Variants in NR4A3 observed in about 807,000 individuals in gnomAD.
The protein encoded by NR4A3 is chondrosarcoma, extraskeletal myxoid, fused to EWS.
Under a neutral mutation model 55.6 loss-of-function variants are expected in NR4A3, and 13 were observed. The observed-to-expected ratio is 0.23, with a 90% CI of 0.15 to 0.37. NR4A3 has a LOEUF of 0.37. NR4A3 is among the 10% of genes least tolerant of loss of function. The pLI is 1.00. For missense variants in NR4A3, 646 were observed against 822.8 expected, an observed-to-expected ratio of 0.79 and a Z score of 2.63; for synonymous variants, 342 against 357.9, an observed-to-expected ratio of 0.96 and a Z score of 0.50.
At chr9:99,837,640 T>G (rs1827582672) in intron 5 of NR4A3, among the ~76,000 whole-genome samples, 1 of 152,192 alleles carries the variant, frequency 6.6e-6, no homozygotes, top group African/African-American at 2.4e-5. Flanking sequence ...AAGTCTCTAC[T>G]TCATTTATAG....
chr9:99,849,260 G>A (rs1204627381), intron 7 of NR4A3, among the ~76,000 whole-genome samples: 1 of 152,110 alleles, frequency 6.6e-6, no homozygotes, highest in East Asian at 1.9e-4. Context: ...ACAAGCAACT[G>A]GTATGGCTGC....
intron 7 of NR4A3, among the ~76,000 whole-genome samples, chr9:99,853,582 G>T (rs1267857044): frequency 4.1e-5 from 2 of 48,426 alleles, no homozygotes; most frequent in African/African-American, 1.6e-4. Context: ...TGCGGTGTTT[G>T]GTTTTTTGTT....
At chr9:99,824,194 G>A (rs1321355924) in intron 1 of NR4A3, among the ~76,000 whole-genome samples, 2 of 152,192 alleles carry the variant, frequency 1.3e-5, no homozygotes, top group Non-Finnish European at 2.9e-5. Flanking sequence ...CGGGGCGCTG[G>A]GCTGGGCTGG....
At chr9:99,851,970 G>A (rs577453698) in intron 7 of NR4A3, among the ~76,000 whole-genome samples, 5 of 152,176 alleles carry the variant, frequency 3.3e-5, no homozygotes, top group African/African-American at 4.8e-5. Flanking sequence ...AGCCAGGCAC[G>A]CATTCTGTTG....
intron 7 of NR4A3, among the ~76,000 whole-genome samples, chr9:99,850,555 G>A (rs929836635): frequency 2.0e-5 from 3 of 152,170 alleles, no homozygotes; most frequent in Admixed American, 2.0e-4. Flanking sequence ...TGCTCAGCCC[G>A]CTGCCCATTT....
rs1336702590 is a variant in NR4A3, at chr9:99,865,187, A to G, written c.*1320A>G. ...ACATTTGTATGCACGTTATATTGTA[A>G]TAGCTTTGCCTGTATTTATTGCAAG... On this transcript the variant is annotated 3_prime_UTR_variant, in exon 8 of 8. Coordinates refer to ENST00000395097, the MANE Select transcript of NR4A3 (RefSeq NM_006981.4). This position sits in a 1 kb window ranked among gnomAD's most constrained non-coding sequence, Gnocchi z 4.3. 1 of 185,356 alleles carries G rather than the reference A, an allele frequency of 5.4e-6. No homozygotes were observed. Among genetic ancestry groups the G allele is most frequent in the Non-Finnish European group, 1.1e-5 (1 of 87,276 alleles). The allele number at this position is 185,356 out of a possible 1,614,324, so 11.5% of individuals were successfully genotyped here.
intron 7 of NR4A3, among the ~76,000 whole-genome samples, chr9:99,856,834 A>C (rs1251624026): frequency 6.6e-6 from 1 of 152,206 alleles, no homozygotes; most frequent in Non-Finnish European, 1.5e-5. Context: ...CAAGTTCCCC[A>C]GTGATGCTGA....
chr9:99,822,288 A>T lies in NR4A3; in HGVS notation c.-296A>T, dbSNP rs1827194267. ...CCACCAGCCGCTCACCGCCTCCGGG[A>T]GCCGCTGGGCTTGTACACCGCAGCC... is the stretch of plus-strand genomic sequence containing the variant. On this transcript the variant is annotated 5_prime_UTR_variant, in exon 1 of 8. Transcript: ENST00000395097. This position sits in a 1 kb window ranked among gnomAD's most constrained non-coding sequence, Gnocchi z 4.9. 6.6e-6 allele frequency: 1 copy of T among 152,196 alleles called. No individual in the cohort carries two copies. The highest frequency in any genetic ancestry group is 2.1e-4 in the South Asian group (1 of 4,824). The allele number at this position is 152,196 out of a possible 1,614,324, so 9.4% of individuals were successfully genotyped here.
At chr9:99,827,608 A>G (rs934606868) in intron 2 of NR4A3, among the ~76,000 whole-genome samples, 2 of 152,208 alleles carry the variant, frequency 1.3e-5, no homozygotes, top group South Asian at 2.1e-4. Flanking sequence ...ATCAATGTGT[A>G]TGCCTTGGGG....
chr9:99,843,681 ATT>A (rs58875910), intron 5 of NR4A3, among the ~76,000 whole-genome samples: 2 of 150,022 alleles, frequency 1.3e-5, no homozygotes, highest in African/African-American at 4.9e-5. Context: ...TACAAAAAAA[ATT>A]TTTTTTTGAT....
chr9:99,852,737 C>G (rs986742118), intron 7 of NR4A3, among the ~76,000 whole-genome samples: 1 of 152,100 alleles, frequency 6.6e-6, no homozygotes, highest in African/African-American at 2.4e-5. Context: ...TATTGAAACA[C>G]GACCTCTAAG....
At chr9:99,829,553 GA>G (rs1347881034) in intron 3 of NR4A3, among the ~76,000 whole-genome samples, 2 of 152,194 alleles carry the variant, frequency 1.3e-5, no homozygotes, top group Non-Finnish European at 2.9e-5. Context: ...GCTGCCTCAG[GA>G]CACACCTTCA....
chr9:99,847,059 T>A lies in NR4A3; in HGVS notation c.1455-378T>A, dbSNP rs1450936982. 2.0e-5 allele frequency among the ~76,000 whole-genome samples: 3 copies of A among 152,184 alleles called. No homozygotes were observed. The East Asian group carries it at 5.8e-4, about 29-fold the overall frequency. On this transcript the variant is annotated intron_variant, in intron 6 of 7. Coordinates refer to ENST00000395097, the MANE Select transcript of NR4A3 (RefSeq NM_006981.4). ...AGGACAAGCCCTGTCTCAGGATCCC[T>A]GGAGGGAACAGTCTCATGTTCATTG... is the stretch of plus-strand genomic sequence containing the variant.
intron 6 of NR4A3, 145 bp from the exon 7 acceptor site, chr9:99,847,292 T>C (rs556785142): frequency 8.5e-6 from 6 of 702,450 alleles, no homozygotes; most frequent in African/African-American, 5.3e-5. Flanking sequence ...GTCTTATTCA[T>C]TGTGGGTATC....
chr9:99,864,054 A>C lies in NR4A3; in HGVS notation c.*187A>C. ...CAACCTAAAGCCAGAAAACTTGCAGAGTATTGTGTTGGGGTTGTGTTTTAT... is the reference window on the plus strand; with the variant it reads ...CAACCTAAAGCCAGAAAACTTGCAGCGTATTGTGTTGGGGTTGTGTTTTAT... On this transcript the variant is annotated 3_prime_UTR_variant, in exon 8 of 8. Coordinates refer to ENST00000395097, the MANE Select transcript of NR4A3 (RefSeq NM_006981.4). 2.2e-6 allele frequency: 1 copy of C among 458,030 alleles called. No homozygotes were observed. The highest frequency in any genetic ancestry group is 3.8e-6 in the Non-Finnish European group (1 of 262,516). 28.4% of individuals were successfully genotyped at this position (458,030 alleles called of 1,614,324 possible).
At chr9:99,860,560 T>C (rs1269623154) in intron 7 of NR4A3, among the ~76,000 whole-genome samples, 5 of 152,206 alleles carry the variant, frequency 3.3e-5, no homozygotes, top group Admixed American at 3.3e-4. Flanking sequence ...AAAATAAAAC[T>C]TTAGGCAGAA....
intron 3 of NR4A3, among the ~76,000 whole-genome samples, chr9:99,831,837 A>C (rs1260732660): frequency 1.3e-5 from 2 of 152,176 alleles, no homozygotes; most frequent in Non-Finnish European, 2.9e-5. Flanking sequence ...AATTATATGG[A>C]TTCTGAAAAA....
chr9:99,855,798 C>A (rs1159331993), intron 7 of NR4A3, among the ~76,000 whole-genome samples: 2 of 152,204 alleles, frequency 1.3e-5, no homozygotes, highest in Non-Finnish European at 2.9e-5. Flanking sequence ...ATACCTCTCT[C>A]TCCAGGGGCC....
At chr9:99,839,858 C>A (rs1009207593) in intron 5 of NR4A3, among the ~76,000 whole-genome samples, 2 of 152,202 alleles carry the variant, frequency 1.3e-5, no homozygotes, top group Non-Finnish European at 2.9e-5. Context: ...CTTTGTCAAA[C>A]CCCAAACCTA....
Sources: gnomAD v4.1 joint callset for allele counts (sites outside exome capture counted in the v4.1 genomes callset) on GRCh38, gnomAD v4.1.1 for gene constraint, Gnocchi (gnomAD v3.1) non-coding constraint, MANE v1.5 for transcripts, NCBI Gene and HGNC (gene_info 2026-07-23, HGNC 2026-07-21) for gene names.